DLG2: variants seen among roughly 807,000 people sequenced by gnomAD.
DLG2 encodes discs large MAGUK scaffold protein 2, also known as disks large homolog 2.
Under a neutral mutation model 132.5 loss-of-function variants are expected in DLG2, and 45 were observed. The ratio of observed to expected loss-of-function variants is 0.34; its 90% CI spans 0.27 to 0.44. The LOEUF (loss-of-function observed/expected upper bound fraction) is 0.44, where lower values mean the gene tolerates loss of function less well. Among genes scored for constraint, DLG2 ranks in the 20% least tolerant of loss-of-function variants. The pLI is 1.00. For synonymous variants in DLG2, 424 were observed against 419.6 expected, an observed-to-expected ratio of 1.01 and a Z score of -0.13; for missense variants, 1,045 against 1,196.9, an observed-to-expected ratio of 0.87 and a Z score of 1.87.
rs528837759 is a variant in DLG2 at position 83,687,549 on chromosome 11, T to C, written c.1826-54224A>G. ...AGAATTATTGCCTTCCTGCTATTTA[T>C]TTTTTCTTCCTATTGTTTTGGTATT... On this transcript the variant is annotated intron_variant, in intron 18 of 27. Transcript: ENST00000376104. 8.5e-5 allele frequency among the ~76,000 whole-genome samples: 13 copies of C among 152,208 alleles called. No homozygotes were observed. In the South Asian group the frequency reaches 2.7e-3, roughly 31 times the overall value.
chr11:85,533,458 C>CATATATATATATATATATATATATAT (rs34379979), intron 3 of DLG2, among the ~76,000 whole-genome samples: 6 of 142,142 alleles, frequency 4.2e-5, no homozygotes, highest in African/African-American at 1.5e-4. Context: ...ACATAAAATA[C>CATATATATATATATATATATATATAT]ATATATATAT....
At chr11:85,585,943 C>T (rs2078939694) in intron 3 of DLG2, among the ~76,000 whole-genome samples, 1 of 152,180 alleles carries the variant, frequency 6.6e-6, no homozygotes, top group Non-Finnish European at 1.5e-5. Flanking sequence ...TGATCTTGAA[C>T]TCCTGACCTC....
chr11:84,649,881 A>C (rs986952420), intron 6 of DLG2, among the ~76,000 whole-genome samples: 43 of 152,162 alleles, frequency 2.8e-4, no homozygotes, highest in African/African-American at 9.7e-4. Flanking sequence ...CTCCAAACTC[A>C]GACCTGCTCT....
At chr11:83,847,116 A>G (rs1458121550) in intron 16 of DLG2, among the ~76,000 whole-genome samples, 1 of 152,104 alleles carries the variant, frequency 6.6e-6, no homozygotes, top group Non-Finnish European at 1.5e-5. Context: ...ATGTTTTTTG[A>G]TAATTATAAC....
intron 11 of DLG2, among the ~76,000 whole-genome samples, chr11:84,004,186 A>G (rs1187137150): frequency 2.0e-5 from 3 of 152,156 alleles, no homozygotes; most frequent in Non-Finnish European, 2.9e-5. Flanking sequence ...AAAAATCCTC[A>G]ACAAAATACT....
intron 7 of DLG2, chr11:84,317,237 T>C: frequency 6.6e-7 from 1 of 1,513,398 alleles, no homozygotes; most frequent in Non-Finnish European, 8.8e-7. Flanking sequence ...TGTAAAAGTC[T>C]TTTTTCCACC....
intron 3 of DLG2, chr11:85,336,429 G>A (rs2082135560): frequency 6.5e-6 from 1 of 153,804 alleles, no homozygotes; most frequent in Admixed American, 6.5e-5. Context: ...AGCAGCAGCT[G>A]AGGTGTAGGT....
At chr11:85,109,287 A>G (rs1049106768) in intron 6 of DLG2, among the ~76,000 whole-genome samples, 6 of 152,100 alleles carry the variant, frequency 3.9e-5, no homozygotes, top group African/African-American at 1.2e-4. Context: ...AGCAAAGTAA[A>G]TTTATGAAAC....
At chr11:84,190,758 C>T (rs957280459) in intron 8 of DLG2, among the ~76,000 whole-genome samples, 1 of 152,166 alleles carries the variant, frequency 6.6e-6, no homozygotes, top group Admixed American at 6.6e-5. Flanking sequence ...AGTTAAGTGA[C>T]CTTTTGGCCA....
At chr11:83,925,917 G>C (rs1422314822) in intron 15 of DLG2, among the ~76,000 whole-genome samples, 1 of 151,960 alleles carries the variant, frequency 6.6e-6, no homozygotes, top group Admixed American at 6.6e-5. Context: ...CAAAGAAAAA[G>C]AGATGTACTA....
intron 8 of DLG2, among the ~76,000 whole-genome samples, chr11:84,173,104 A>C (rs923036483): frequency 6.6e-6 from 1 of 152,208 alleles, no homozygotes; most frequent in African/African-American, 2.4e-5. Flanking sequence ...TTCTATATAC[A>C]AAATTGTCTT....
intron 6 of DLG2, among the ~76,000 whole-genome samples, chr11:84,540,280 A>G (rs2099365043): frequency 6.6e-6 from 1 of 151,938 alleles, no homozygotes. Context: ...GAAAATTTTT[A>G]CAATCTACCC....
chr11:84,026,351 C>T (rs1201933466), intron 11 of DLG2, among the ~76,000 whole-genome samples: 2 of 152,032 alleles, frequency 1.3e-5, no homozygotes, highest in Admixed American at 6.6e-5. Flanking sequence ...TAGGACCATA[C>T]TAGACTCCTT....
chr11:84,277,729 GAT>G (rs1251891304), intron 7 of DLG2, among the ~76,000 whole-genome samples: 1 of 152,038 alleles, frequency 6.6e-6, no homozygotes, highest in African/African-American at 2.4e-5. Flanking sequence ...CAGCACAGAA[GAT>G]AGAGGAAAAC....
At chr11:83,570,974 CT>C (rs2096786302) in intron 19 of DLG2, among the ~76,000 whole-genome samples, 1 of 152,098 alleles carries the variant, frequency 6.6e-6, no homozygotes, top group African/African-American at 2.4e-5. Context: ...CTTCCAACTC[CT>C]GGGTTCAAGC....
chr11:85,461,444 G>C (rs2092609298), intron 3 of DLG2, among the ~76,000 whole-genome samples: 1 of 152,194 alleles, frequency 6.6e-6, no homozygotes, highest in African/African-American at 2.4e-5. Context: ...GCAAAAAACA[G>C]TTATGCAGTT....
intron 21 of DLG2, among the ~76,000 whole-genome samples, chr11:83,522,618 C>G (rs756230121): frequency 6.6e-6 from 1 of 152,026 alleles, no homozygotes; most frequent in Non-Finnish European, 1.5e-5. Context: ...TAATTCAATA[C>G]TTATTGGTTG....
intron 7 of DLG2, among the ~76,000 whole-genome samples, chr11:84,477,099 A>C (rs1269916898): frequency 6.6e-6 from 1 of 152,168 alleles, no homozygotes; most frequent in Non-Finnish European, 1.5e-5. Context: ...TTGTTGAATG[A>C]ATAAAAGAAG....
At chr11:83,701,068 T>C (rs1215568720) in intron 18 of DLG2, among the ~76,000 whole-genome samples, 1 of 152,226 alleles carries the variant, frequency 6.6e-6, no homozygotes, top group Non-Finnish European at 1.5e-5. Context: ...CTTTGTTAGA[T>C]GCTTCTTTAA....
Sources: gnomAD v4.1 joint callset for allele counts (sites outside exome capture counted in the v4.1 genomes callset) on GRCh38, gnomAD v4.1.1 for gene constraint, MANE v1.5 for transcripts, NCBI Gene and HGNC (gene_info 2026-07-23, HGNC 2026-07-21) for gene names.